Variants in SPAG16 observed in about 807,000 individuals in gnomAD.
SPAG16 encodes sperm associated antigen 16.
Under a neutral mutation model 80.4 loss-of-function variants are expected in SPAG16, and 86 were observed. That is an observed-to-expected ratio of 1.07 (90% CI 0.90 to 1.28). The LOEUF is 1.28. SPAG16 is among the 50% of genes most tolerant of loss of function. The probability of loss-of-function intolerance (pLI) is 0.00; values close to 1 mark genes in which losing one functional copy is unlikely to be tolerated. For missense variants in SPAG16, 870 were observed against 765.3 expected (o/e 1.14, Z -1.61); for synonymous variants, 294 against 265.9 (o/e 1.11, Z -1.03).
intron 1 of SPAG16, among the ~76,000 whole-genome samples, chr2:213,288,049 A>G (rs1288077605): frequency 1.3e-5 from 2 of 151,996 alleles, no homozygotes; most frequent in Non-Finnish European, 2.9e-5. Context: ...GGGACTGCAG[A>G]TGTGCGGCAC....
At chr2:214,177,404 AC>A (rs1181374967) in intron 15 of SPAG16, among the ~76,000 whole-genome samples, 1 of 150,948 alleles carries the variant, frequency 6.6e-6, no homozygotes, top group Non-Finnish European at 1.5e-5. Flanking sequence ...TCTTAATGGG[AC>A]CTATGGTTCT....
chr2:214,345,742 T>G (rs1698008911), intron 15 of SPAG16, among the ~76,000 whole-genome samples: 1 of 152,120 alleles, frequency 6.6e-6, no homozygotes, highest in South Asian at 2.1e-4. Flanking sequence ...TGCTGACTGA[T>G]AACACCATAC....
chr2:213,849,016 A>G (rs1048152830), intron 10 of SPAG16, among the ~76,000 whole-genome samples: 3 of 152,172 alleles, frequency 2.0e-5, no homozygotes, highest in African/African-American at 4.8e-5. Context: ...TGTTGCTATA[A>G]AGCAATACCT....
At chr2:213,763,797 T>C (rs1470057747) in intron 10 of SPAG16, among the ~76,000 whole-genome samples, 2 of 152,222 alleles carry the variant, frequency 1.3e-5, no homozygotes, top group Non-Finnish European at 2.9e-5. Flanking sequence ...ACCGTCTTGC[T>C]CTCATCCTTA....
chr2:214,334,721 T>A (rs1474772144), intron 15 of SPAG16, among the ~76,000 whole-genome samples: 1 of 152,236 alleles, frequency 6.6e-6, no homozygotes, highest in Admixed American at 6.5e-5. Context: ...TGCCCTGCCC[T>A]TCTTTCATTT....
In SPAG16 at chr2:213,850,481, T is replaced by G. The variant is rs2074846354; in HGVS notation, c.1071-12004T>G. Among the ~76,000 whole-genome samples, 4 of 152,226 alleles carry G rather than the reference T, an allele frequency of 2.6e-5. 1 individual carries two copies. Among genetic ancestry groups the G allele is most frequent in the Admixed American group, 2.6e-4 (4 of 15,278 alleles). ...TGTGATTGGACAAAAGGCTGTGCTG[T>G]AGTGGTAATAAACTGGAAGGGGAAA... On this transcript the variant is annotated intron_variant, in intron 10 of 15. Coordinates refer to ENST00000331683, the MANE Select transcript of SPAG16 (RefSeq NM_024532.5).
At chr2:213,365,166 C>T (rs938460333) in intron 8 of SPAG16, 7 of 152,188 alleles carry the variant, frequency 4.6e-5, no homozygotes, top group Non-Finnish European at 1.0e-4. Context: ...TCTTTACAAT[C>T]TTTTACCCAC....
chr2:214,094,319 T>G (rs778213408), intron 13 of SPAG16, among the ~76,000 whole-genome samples: 1 of 152,130 alleles, frequency 6.6e-6, no homozygotes, highest in Non-Finnish European at 1.5e-5. Context: ...GCATTTATAT[T>G]AATATTAACA....
chr2:213,654,661 G>C (rs1303865512), intron 10 of SPAG16, among the ~76,000 whole-genome samples: 5 of 150,698 alleles, frequency 3.3e-5, no homozygotes, highest in South Asian at 2.1e-4. Flanking sequence ...AGCTTGAATT[G>C]AGCCGAGATT....
intron 3 of SPAG16, among the ~76,000 whole-genome samples, chr2:213,308,392 A>G (rs1014483658): frequency 6.6e-6 from 1 of 152,116 alleles, no homozygotes; most frequent in Non-Finnish European, 1.5e-5. Context: ...TCTTTTATCC[A>G]AAATGCTTGG....
intron 10 of SPAG16, among the ~76,000 whole-genome samples, chr2:213,758,940 G>T (rs1274298567): frequency 6.6e-6 from 1 of 152,176 alleles, no homozygotes; most frequent in Non-Finnish European, 1.5e-5. Context: ...TTACTTATAA[G>T]GAATAATCAG....
chr2:213,684,963 G>T (rs1231714131), intron 10 of SPAG16, among the ~76,000 whole-genome samples: 1 of 152,208 alleles, frequency 6.6e-6, no homozygotes, highest in Non-Finnish European at 1.5e-5. Context: ...AAGAGTCTGT[G>T]ATAAGGGGGT....
chr2:213,785,317 A>G (rs550118906), intron 10 of SPAG16, among the ~76,000 whole-genome samples: 149 of 152,304 alleles, frequency 9.8e-4, no homozygotes, highest in Non-Finnish European at 1.7e-3. Context: ...TATGATTTTA[A>G]ACTACTTCAA....
At position 213,920,344 on chromosome 2, in the gene SPAG16, C is replaced by A. The variant is rs570338345; in HGVS notation, c.1215-9616C>A. 7.9e-5 allele frequency among the ~76,000 whole-genome samples: 12 copies of A among 152,242 alleles called. No individual in the cohort carries two copies. In the East Asian group the frequency reaches 1.9e-3, roughly 25 times the overall value. On this transcript the variant is annotated intron_variant, in intron 11 of 15. Coordinates refer to ENST00000331683, the MANE Select transcript of SPAG16 (RefSeq NM_024532.5). ...GTCATCATGATGTTAGCTTGTTATGCAAGCTTGTTTGTGCGGTTGCTTTAT... is the reference window on the plus strand; with the variant it reads ...GTCATCATGATGTTAGCTTGTTATGAAAGCTTGTTTGTGCGGTTGCTTTAT...
intron 10 of SPAG16, among the ~76,000 whole-genome samples, chr2:213,623,262 G>T (rs1393887178): frequency 6.6e-6 from 1 of 151,938 alleles, no homozygotes; most frequent in African/African-American, 2.4e-5. Context: ...TTAAGTGAAG[G>T]AGCTACTGGT....
At chr2:213,637,454 T>C (rs954000697) in intron 10 of SPAG16, among the ~76,000 whole-genome samples, 1 of 152,206 alleles carries the variant, frequency 6.6e-6, no homozygotes, top group Non-Finnish European at 1.5e-5. Flanking sequence ...ACTGGCTTCA[T>C]AGAATGATTT....
intron 11 of SPAG16, among the ~76,000 whole-genome samples, chr2:213,869,284 T>TAG (rs1373087631): frequency 8.5e-6 from 1 of 117,578 alleles, no homozygotes; most frequent in Non-Finnish European, 1.9e-5. Flanking sequence ...TATATATGTA[T>TAG]ATATATATGT....
chr2:213,953,081 TGAAAA>T (rs201691617), intron 12 of SPAG16, among the ~76,000 whole-genome samples: 6,454 of 151,980 alleles, frequency 0.042, 155 homozygotes, highest in South Asian at 0.075. Context: ...ACATATATGA[TGAAAA>T]GGACTAGTAG....
Position 213,557,201 on chromosome 2 carries a change from TA to T in SPAG16, c.1070+67112del, listed in dbSNP as rs141498228. Among the ~76,000 whole-genome samples the T allele has an allele frequency of 9.1e-4, 139 of 152,258 alleles. 1 individual carries two copies. Among genetic ancestry groups the T allele is most frequent in the African/African-American group, 3.2e-3 (135 of 41,580 alleles). On this transcript the variant is annotated intron_variant, in intron 10 of 15. Transcript: ENST00000331683. ...TCTCTGAAATCTGCCAGCTAATGGCTATCTCTATAATAATGAGTTACCTATC... is the reference window on the plus strand; with the variant it reads ...TCTCTGAAATCTGCCAGCTAATGGCTTCTCTATAATAATGAGTTACCTATC...
Sources: gnomAD v4.1 joint callset for allele counts (sites outside exome capture counted in the v4.1 genomes callset) on GRCh38, gnomAD v4.1.1 for gene constraint, MANE v1.5 for transcripts, NCBI Gene and HGNC (gene_info 2026-07-23, HGNC 2026-07-21) for gene names.